The following NYAP2 variants were observed in gnomAD, a reference collection of about 807,000 sequenced individuals.
The protein encoded by NYAP2 is neuronal tyrosine-phosphorylated phosphoinositide-3-kinase adapter 2.
Under a neutral mutation model 50.4 loss-of-function variants are expected in NYAP2, and 23 were observed. That is an observed-to-expected ratio of 0.46 (90% CI 0.33 to 0.65). NYAP2 has a LOEUF of 0.65. Ranked by LOEUF, NYAP2 falls within the 30% of genes least tolerant of loss-of-function variation. The pLI is 0.02. For missense variants in NYAP2, 885 were observed against 861.0 expected, an observed-to-expected ratio of 1.03 and a Z score of -0.35; for synonymous variants, 394 against 365.2, an observed-to-expected ratio of 1.08 and a Z score of -0.90.
chr2:225,621,372 C>T (rs959222498), intron 5 of NYAP2, among the ~76,000 whole-genome samples: 6 of 152,096 alleles, frequency 3.9e-5, no homozygotes, highest in Admixed American at 3.3e-4. Flanking sequence ...TTTGACTTCT[C>T]ATAAAAAGAC....
chr2:225,437,772 G>A (rs183716128), intron 3 of NYAP2, among the ~76,000 whole-genome samples: 1 of 152,298 alleles, frequency 6.6e-6, no homozygotes, highest in African/African-American at 2.4e-5. Context: ...TAAGTAAGGT[G>A]ACCAACATGA....
the NYAP2 span, chr2:225,701,999 C>A: frequency 7.3e-5 from 11 of 151,590 alleles, no homozygotes; most frequent in African/African-American, 2.7e-4. Flanking sequence ...ACACAATGCA[C>A]GTACAAATGC....
chr2:225,428,074 G>A (rs1446428125), intron 3 of NYAP2, among the ~76,000 whole-genome samples: 2 of 152,254 alleles, frequency 1.3e-5, no homozygotes, highest in East Asian at 3.9e-4. Flanking sequence ...TGCAAAAGGG[G>A]TTGATTTTTC....
chr2:225,487,127 T>C (rs576194818), intron 3 of NYAP2, among the ~76,000 whole-genome samples: 3 of 152,336 alleles, frequency 2.0e-5, no homozygotes, highest in South Asian at 2.1e-4. Context: ...TTCCCTCTCA[T>C]TGGGAAGGAG....
At chr2:225,524,635 C>A (rs1691121266) in intron 4 of NYAP2, among the ~76,000 whole-genome samples, 1 of 152,134 alleles carries the variant, frequency 6.6e-6, no homozygotes, top group Non-Finnish European at 1.5e-5. Context: ...AGACCTGAAG[C>A]TATACAAGTC....
intron 3 of NYAP2, among the ~76,000 whole-genome samples, chr2:225,414,668 T>C (rs1194618017): frequency 6.6e-6 from 1 of 151,876 alleles, no homozygotes; most frequent in African/African-American, 2.4e-5. Context: ...CCTGGGTGTA[T>C]CTGTGAACAC....
chr2:225,670,130 T>C, the NYAP2 span, among the ~76,000 whole-genome samples: 1 of 152,162 alleles, frequency 6.6e-6, no homozygotes, highest in Admixed American at 6.5e-5. Context: ...TCTGACCAAA[T>C]CCATTTTGTA....
chr2:225,692,797 C>CT, the NYAP2 span, among the ~76,000 whole-genome samples: 1 of 151,608 alleles, frequency 6.6e-6, no homozygotes, highest in East Asian at 1.9e-4. Flanking sequence ...ATGTTGCTTC[C>CT]TTTTAAAGAA....
At chr2:225,567,226 A>G (rs1436990459) in intron 4 of NYAP2, among the ~76,000 whole-genome samples, 1 of 152,160 alleles carries the variant, frequency 6.6e-6, no homozygotes, top group Non-Finnish European at 1.5e-5. Flanking sequence ...AAAATATGGT[A>G]TTATAATCTT....
intron 3 of NYAP2, among the ~76,000 whole-genome samples, chr2:225,417,558 A>G (rs1695146456): frequency 6.6e-6 from 1 of 152,198 alleles, no homozygotes; most frequent in African/African-American, 2.4e-5. Context: ...AGCAATTTCA[A>G]TAAGATGTAC....
intron 3 of NYAP2, among the ~76,000 whole-genome samples, chr2:225,448,112 T>C (rs1574620154): frequency 1.3e-5 from 2 of 152,178 alleles, no homozygotes; most frequent in African/African-American, 4.8e-5. Flanking sequence ...CTATGGCTGG[T>C]AAGTGATAGA....
chr2:225,420,577 A>G (rs1282547862), intron 3 of NYAP2, among the ~76,000 whole-genome samples: 2 of 150,570 alleles, frequency 1.3e-5, no homozygotes, highest in Non-Finnish European at 3.0e-5. Context: ...TTGCACAGGG[A>G]AAGAGGAGTT....
intron 3 of NYAP2, among the ~76,000 whole-genome samples, chr2:225,440,894 G>C (rs1009616397): frequency 6.6e-6 from 1 of 152,198 alleles, no homozygotes; most frequent in African/African-American, 2.4e-5. Flanking sequence ...TTGCTTTAGA[G>C]ACGTCAAACA....
At chr2:225,676,666 A>G in the NYAP2 span, among the ~76,000 whole-genome samples, 3 of 152,254 alleles carry the variant, frequency 2.0e-5, no homozygotes, top group Admixed American at 6.6e-5. Flanking sequence ...CGAGAACAGC[A>G]CAGGAAAGGC....
chr2:225,559,690 C>A (rs900010987), intron 4 of NYAP2, among the ~76,000 whole-genome samples: 1 of 151,924 alleles, frequency 6.6e-6, no homozygotes, highest in Non-Finnish European at 1.5e-5. Context: ...AACACACAAA[C>A]AAAATATTAA....
chr2:225,663,623 TCTC>T, the NYAP2 span, among the ~76,000 whole-genome samples: 1 of 152,104 alleles, frequency 6.6e-6, no homozygotes, highest in African/African-American at 2.4e-5. Flanking sequence ...AATGTCATGA[TCTC>T]AGCTCACTGC....
intron 4 of NYAP2, among the ~76,000 whole-genome samples, chr2:225,558,932 C>A (rs140627626): frequency 6.6e-6 from 1 of 152,244 alleles, no homozygotes; most frequent in African/African-American, 2.4e-5. Flanking sequence ...GCTGAGTACA[C>A]TGTGACACGT....
chr2:225,530,296 C>T (rs1417469384), intron 4 of NYAP2, among the ~76,000 whole-genome samples: 1 of 152,130 alleles, frequency 6.6e-6, no homozygotes, highest in Admixed American at 6.5e-5. Flanking sequence ...GCATCCCTCC[C>T]TTCCTGCTTA....
At chr2:225,455,947 C>G (rs1689731788) in intron 3 of NYAP2, among the ~76,000 whole-genome samples, 1 of 152,200 alleles carries the variant, frequency 6.6e-6, no homozygotes, top group African/African-American at 2.4e-5. Flanking sequence ...CTGATGCGTT[C>G]ATTCTCTTAA....
Sources: gnomAD v4.1 joint callset for allele counts (sites outside exome capture counted in the v4.1 genomes callset) on GRCh38, gnomAD v4.1.1 for gene constraint, MANE v1.5 for transcripts, NCBI Gene and HGNC (gene_info 2026-07-23, HGNC 2026-07-21) for gene names.